PHKB: variants seen among roughly 807,000 people sequenced by gnomAD.
PHKB encodes phosphorylase kinase regulatory subunit beta, also known as phosphorylase b kinase regulatory subunit beta.
A neutral mutation model predicts 152.1 loss-of-function variants in PHKB; 122 were observed. That is an observed-to-expected ratio of 0.80 (90% confidence interval 0.69 to 0.93). The LOEUF (loss-of-function observed/expected upper bound fraction) is 0.93. PHKB is among the 40% of genes least tolerant of loss of function. The pLI, the probability that PHKB is intolerant of heterozygous loss-of-function variation, is 0.00. For missense variants in PHKB, 1,304 were observed against 1,328.4 expected (o/e 0.98, Z 0.29); for synonymous variants, 436 against 464.9 (o/e 0.94, Z 0.80).
At chr16:47,566,131 C>A in intron 7 of PHKB, 1 of 653,962 alleles carries the variant, frequency 1.5e-6, no homozygotes, top group South Asian at 1.7e-5. Context: ...CTGCCTTGGT[C>A]ATCATAGCGA....
In PHKB at chr16:47,700,166, T is replaced by C. The variant is rs1023259237; in HGVS notation, c.*800T>C. The C allele has an allele frequency of 1.3e-5, 2 of 151,916 alleles. No homozygotes were observed. The highest frequency in any genetic ancestry group is 2.9e-5 in the Non-Finnish European group (2 of 68,034). 9.4% of individuals were successfully genotyped at this position (151,916 alleles called of 1,614,324 possible). On this transcript the variant is annotated 3_prime_UTR_variant, in exon 31 of 31. Coordinates refer to ENST00000323584, the MANE Select transcript of PHKB (RefSeq NM_000293.3). ...GAGTTCAAGACCAGCCCAGCCAACATGGTGAAAACCCTGTCTCTACTAAAA... is the reference window on the plus strand; with the variant it reads ...GAGTTCAAGACCAGCCCAGCCAACACGGTGAAAACCCTGTCTCTACTAAAA...
chr16:47,610,583 G>C (rs1442093943), intron 13 of PHKB, among the ~76,000 whole-genome samples: 1 of 151,952 alleles, frequency 6.6e-6, no homozygotes, highest in East Asian at 1.9e-4. Flanking sequence ...ATTTCTTTCT[G>C]TTATTGATGC....
At chr16:47,503,601 T>G (rs1450263395) in intron 4 of PHKB, among the ~76,000 whole-genome samples, 2 of 151,962 alleles carry the variant, frequency 1.3e-5, no homozygotes, top group Non-Finnish European at 2.9e-5. Context: ...GAGGCCGAAG[T>G]GGGTGGATCA....
At chr16:47,512,106 C>A (rs1367878857) in intron 5 of PHKB, among the ~76,000 whole-genome samples, 1 of 152,172 alleles carries the variant, frequency 6.6e-6, no homozygotes, top group Non-Finnish European at 1.5e-5. Context: ...CGGCCCCATT[C>A]CAAACAGGAT....
At chr16:47,616,619 C>A (rs985569436) in intron 14 of PHKB, among the ~76,000 whole-genome samples, 1 of 141,782 alleles carries the variant, frequency 7.1e-6, no homozygotes, top group African/African-American at 2.5e-5. Context: ...ATATAAATAT[C>A]ATATATTAAT....
intron 11 of PHKB, among the ~76,000 whole-genome samples, chr16:47,593,891 T>C (rs1333976373): frequency 6.6e-6 from 1 of 152,226 alleles, no homozygotes; most frequent in African/African-American, 2.4e-5. Flanking sequence ...GTAACATTTA[T>C]ACTTAGGAAT....
chr16:47,667,420 C>A (rs1305185183), intron 25 of PHKB, among the ~76,000 whole-genome samples: 2 of 152,108 alleles, frequency 1.3e-5, no homozygotes, highest in East Asian at 3.9e-4. Context: ...CACAGCAATA[C>A]CCTGTCGTTT....
chr16:47,638,762 G>T (rs1040956470), intron 14 of PHKB, among the ~76,000 whole-genome samples: 2 of 152,178 alleles, frequency 1.3e-5, no homozygotes, highest in Non-Finnish European at 2.9e-5. Flanking sequence ...GTGGATTAGT[G>T]TCCACTTGAT....
chr16:47,649,128 T>C lies in PHKB; in HGVS notation c.1721T>C (p.Val574Ala). Residue 574 changes from valine to alanine, a missense_variant, in exon 18 of 31, where the codon GTT becomes GCT. Transcript: ENST00000323584. ...KIYRILGKTV[V>A]CYPIIFDLSD... ...TATCGCATTCTAGGAAAGACTGTGG[T>C]TTGTTACCCGATTATTTTCGACCTA... is the stretch of plus-strand genomic sequence containing the variant. The C allele has an allele frequency of 6.2e-7, 1 of 1,607,780 alleles. No homozygotes were observed. Among genetic ancestry groups the C allele is most frequent in the African/African-American group, 1.3e-5 (1 of 74,938 alleles).
intron 1 of PHKB, among the ~76,000 whole-genome samples, chr16:47,484,210 C>A (rs1445916743): frequency 1.3e-5 from 2 of 152,096 alleles, no homozygotes; most frequent in Non-Finnish European, 2.9e-5. Context: ...CTCTAAAGGT[C>A]ACTGGAAGAA....
At chr16:47,535,319 A>AAAAACTTCCC (rs1379387050) in intron 6 of PHKB, among the ~76,000 whole-genome samples, 1 of 152,236 alleles carries the variant, frequency 6.6e-6, no homozygotes, top group East Asian at 1.9e-4. Flanking sequence ...CATGTATAAC[A>AAAAACTTCCC]AAAACTTCCT....
intron 7 of PHKB, among the ~76,000 whole-genome samples, chr16:47,576,223 TTC>T (rs1368432421): frequency 6.6e-6 from 1 of 152,238 alleles, no homozygotes; most frequent in Non-Finnish European, 1.5e-5. Context: ...ATTGTGGAAT[TTC>T]CCTCTATTCC....
intron 22 of PHKB, among the ~76,000 whole-genome samples, 189 bp downstream of exon 22, chr16:47,661,008 A>T (rs567013363): frequency 1.7e-4 from 26 of 152,322 alleles, no homozygotes; most frequent in African/African-American, 5.8e-4. Flanking sequence ...GGATATCTTT[A>T]AAAATGCTTA....
chr16:47,591,498 A>G (rs9928101), intron 10 of PHKB, among the ~76,000 whole-genome samples: 1 of 152,074 alleles, frequency 6.6e-6, no homozygotes, highest in Non-Finnish European at 1.5e-5. Flanking sequence ...AACATTCTCC[A>G]TTGGCTGTGA....
intron 1 of PHKB, among the ~76,000 whole-genome samples, chr16:47,464,642 A>T (rs915527043): frequency 8.5e-5 from 13 of 152,224 alleles, no homozygotes; most frequent in Admixed American, 6.5e-5. Context: ...ATGGACCCAG[A>T]CATGATTACC....
At chr16:47,507,301 A>C (rs1280552064) in intron 4 of PHKB, among the ~76,000 whole-genome samples, 2 of 151,414 alleles carry the variant, frequency 1.3e-5, no homozygotes, top group Non-Finnish European at 2.9e-5. Context: ...AATTCCTTAA[A>C]TTATAAAGGA....
intron 14 of PHKB, among the ~76,000 whole-genome samples, chr16:47,617,704 T>C (rs1350125795): frequency 5.9e-5 from 9 of 152,208 alleles, no homozygotes; most frequent in Non-Finnish European, 1.3e-4. Flanking sequence ...GTGGGCTGAT[T>C]ATTCTCAGTG....
At chr16:47,684,774 CAA>C (rs1177525611) in intron 26 of PHKB, among the ~76,000 whole-genome samples, 6 of 125,886 alleles carry the variant, frequency 4.8e-5, no homozygotes, top group Admixed American at 1.6e-4. Flanking sequence ...GACTCCGTCT[CAA>C]AAAAAAAAAA....
intron 10 of PHKB, among the ~76,000 whole-genome samples, chr16:47,589,630 A>C (rs1971993734): frequency 6.6e-6 from 1 of 152,298 alleles, no homozygotes; most frequent in East Asian, 1.9e-4. Flanking sequence ...TTTAGTTTTA[A>C]AATATTTTGT....
Sources: allele counts gnomAD v4.1 joint callset (sites outside exome capture counted in the v4.1 genomes callset), GRCh38; gene constraint gnomAD v4.1.1; transcripts MANE v1.5; gene names NCBI Gene and HGNC (gene_info 2026-07-23, HGNC 2026-07-21).